ZNF239: variants seen among roughly 807,000 people sequenced by gnomAD.
ZNF239 encodes zinc finger protein 239, also known as zinc finger protein (C2H2) homologous to mouse MOK-2.
Under a neutral mutation model 27.5 loss-of-function variants are expected in ZNF239, and 16 were observed. The ratio of observed to expected loss-of-function variants is 0.58; its 90% CI spans 0.39 to 0.88. The LOEUF is 0.88. Among genes scored for constraint, ZNF239 ranks in the 40% least tolerant of loss-of-function variants. ZNF239 has a pLI of 0.00. For missense variants in ZNF239, 527 were observed against 551.9 expected (o/e 0.95, Z 0.45); for synonymous variants, 199 against 192.6 (o/e 1.03, Z -0.27).
intron 2 of ZNF239, among the ~76,000 whole-genome samples, chr10:43,569,655 T>A (rs1837909872): frequency 6.6e-6 from 1 of 152,214 alleles, no homozygotes; most frequent in Admixed American, 6.5e-5. Flanking sequence ...GAGCATCCTG[T>A]ATATATCATT....
intron 3 of ZNF239, among the ~76,000 whole-genome samples, chr10:43,563,635 G>A (rs999341955): frequency 2.0e-5 from 3 of 152,168 alleles, no homozygotes; most frequent in African/African-American, 7.2e-5. Flanking sequence ...TCCATTTTAT[G>A]TTAATAACAA....
Position 43,557,336 on chromosome 10 carries a change from C to T in ZNF239, c.744G>A (p.Ser248=), listed in dbSNP as rs747508244. Residue 248 remains serine, a synonymous_variant, in exon 4 of 4, where the codon TCG becomes TCA. Transcript: ENST00000374446. ...GGACTGCCTGATGGATAAGCAGACTCGAGCTCCTTGTGAAGCCCTTCCCAC... is the reference window on the plus strand; with the variant it reads ...GGACTGCCTGATGGATAAGCAGACTTGAGCTCCTTGTGAAGCCCTTCCCAC... ...EQCGKGFTRS[S]SLLIHQAVHT... 6.6e-5 allele frequency: 106 copies of T among 1,613,694 alleles called. No individual in the cohort carries two copies. The highest frequency in any genetic ancestry group is 8.9e-5 in the East Asian group (4 of 44,848).
chr10:43,573,344 A>G (rs775318219), intron 2 of ZNF239, among the ~76,000 whole-genome samples: 19 of 152,206 alleles, frequency 1.2e-4, no homozygotes, highest in Non-Finnish European at 2.6e-4. Context: ...ATGACTTTCA[A>G]TGTGAGTGAA....
chr10:43,557,753 C>G lies in ZNF239; in HGVS notation c.327G>C (p.Gly109=), dbSNP rs755728524. ...EESTERKVIK[G]ESCSENLQVK... ...CTTGAAGGTTCTCTGAACAACTTTC[C>G]CCCTTTATCACTTTTCTCTCAGTGC... The change falls in exon 4 of 4, where the codon GGG becomes GGC. Residue 109 remains glycine (G), a synonymous_variant. Transcript: ENST00000374446. 6.2e-7 allele frequency: 1 copy of G among 1,614,122 alleles called. No individual in the cohort carries two copies. The highest frequency in any genetic ancestry group is 8.5e-7 in the Non-Finnish European group (1 of 1,180,038).
chr10:43,567,978 T>A lies in ZNF239; in HGVS notation c.-172A>T. 8.1e-6 allele frequency: 8 copies of A among 985,960 alleles called. No individual in the cohort carries two copies. Among genetic ancestry groups the A allele is most frequent in the Non-Finnish European group, 9.6e-6 (8 of 830,070 alleles). 61.1% of individuals were successfully genotyped at this position (985,960 alleles called of 1,614,324 possible). A position where few individuals can be genotyped will look rare whatever the true frequency, so the allele number is the denominator to read the frequency against. On this transcript the variant is annotated 5_prime_UTR_variant, in exon 3 of 4. Transcript: ENST00000374446. Reference sequence around the variant, plus strand: ...AGCAGAGTCCAGGTGACCTCACTCCTCCTCGGTGAAGGCCACAGAGGCATC... The same window carrying A: ...AGCAGAGTCCAGGTGACCTCACTCCACCTCGGTGAAGGCCACAGAGGCATC...
intron 3 of ZNF239, among the ~76,000 whole-genome samples, chr10:43,562,330 C>A (rs1194056023): frequency 6.6e-6 from 1 of 152,222 alleles, no homozygotes; most frequent in African/African-American, 2.4e-5. Context: ...TGACAATTAT[C>A]AATCAATGTC....
In ZNF239 at chr10:43,556,882, C is replaced by T. The variant is rs762050042; in HGVS notation, c.1198G>A (p.Glu400Lys). Residue 400 changes from glutamate to lysine, a missense_variant, in exon 4 of 4, where the codon GAG (glutamate) becomes AAG (lysine). Transcript: ENST00000374446. ...CACTTGCCACAGTGATAGGGCTTCTCTCCAGTGTGGACTCTGAGATGGATG... is the reference window on the plus strand; with the variant it reads ...CACTTGCCACAGTGATAGGGCTTCTTTCCAGTGTGGACTCTGAGATGGATG... ...LRIHLRVHTG[E>K]KPYHCGKCGK... is the part of the protein sequence containing the mutation. 11 of 1,613,986 alleles carry T rather than the reference C, an allele frequency of 6.8e-6. No individual in the cohort carries two copies. The Admixed American group carries it at 1.8e-4, about 27-fold the overall frequency.
At chr10:43,561,801 C>T (rs540985756) in intron 3 of ZNF239, among the ~76,000 whole-genome samples, 16 of 152,044 alleles carry the variant, frequency 1.1e-4, no homozygotes, top group South Asian at 4.2e-4. Flanking sequence ...GTGTGCAACA[C>T]GGCAAAACTC....
chr10:43,570,931 A>G, intron 2 of ZNF239: 1 of 985,238 alleles, frequency 1.0e-6, no homozygotes, highest in Non-Finnish European at 1.2e-6. Context: ...AAAAAATGAC[A>G]GGAGTAGACC....
chr10:43,556,943 C>A lies in ZNF239; in HGVS notation c.1137G>T (p.Glu379Asp). Residue 379 changes from glutamate (E) to aspartate (D), a missense_variant, in exon 4 of 4, where the codon GAG becomes GAT. Physicochemically the swap from Glu to Asp is conservative, Grantham distance 45 (BLOSUM62 2). Coordinates refer to ENST00000374446, the MANE Select transcript of ZNF239 (RefSeq NM_001099282.2). ...HTGEKPYQCY[E>D]CGKGFSQSSD... ...AGCTCTGGCTGAAACCCTTCCCACA[C>A]TCATAGCATTGGTAAGGCTTCTCTC... 6.2e-7 allele frequency: 1 copy of A among 1,613,676 alleles called. No homozygotes were observed.
chr10:43,557,914 C>G lies in ZNF239; in HGVS notation c.166G>C (p.Glu56Gln), dbSNP rs61731399. The change falls in exon 4 of 4, where the codon GAA becomes CAA. Residue 56 changes from glutamate (E) to glutamine (Q), a missense_variant. Coordinates refer to ENST00000374446, the MANE Select transcript of ZNF239 (RefSeq NM_001099282.2). ...AAATATGTTTCACTTTCAATGTTTT[C>G]GAAACAACCACTTTGAAGAGTCATC... ...SVMTLQSGCFENIESETYLPL... is the reference protein window; with the variant it reads ...SVMTLQSGCFQNIESETYLPL... 6.2e-7 allele frequency: 1 copy of G among 1,614,138 alleles called. No homozygotes were observed. Among genetic ancestry groups the G allele is most frequent in the African/African-American group, 1.3e-5 (1 of 75,040 alleles).
At chr10:43,569,974 A>G (rs1837929996) in intron 2 of ZNF239, among the ~76,000 whole-genome samples, 4 of 152,180 alleles carry the variant, frequency 2.6e-5, no homozygotes, top group African/African-American at 9.7e-5. Flanking sequence ...GAAACTCTCA[A>G]TTTCAGTACT....
chr10:43,556,663 CA>C lies in ZNF239; in HGVS notation c.*39del. On this transcript the variant is annotated 3_prime_UTR_variant, in exon 4 of 4. Transcript: ENST00000374446. The stretch of plus-strand genomic sequence containing the variant: ...GATACTAAATATTTAACAGTTTTTA[CA>C]GTATGAGCGCTGTGAAGACCTGAAT... The C allele has an allele frequency of 6.3e-7, 1 of 1,574,874 alleles. No individual in the cohort carries two copies. Among genetic ancestry groups the C allele is most frequent in the Non-Finnish European group, 8.6e-7 (1 of 1,160,526 alleles).
intron 3 of ZNF239, among the ~76,000 whole-genome samples, chr10:43,564,821 G>T (rs1285001007): frequency 6.6e-6 from 1 of 151,720 alleles, no homozygotes; most frequent in East Asian, 1.9e-4. Flanking sequence ...GAGCCACCAC[G>T]CCTGGCCCAA....
intron 3 of ZNF239, among the ~76,000 whole-genome samples, chr10:43,567,353 G>C (rs1837737481): frequency 6.6e-6 from 1 of 151,964 alleles, no homozygotes; most frequent in South Asian, 2.1e-4. Context: ...CAATGTTGGG[G>C]AAATGTGGGG....
In ZNF239 at chr10:43,557,604, C is replaced by T; in HGVS notation, c.476G>A (p.Gly159Glu). The change falls in exon 4 of 4, where the codon GGA becomes GAA. Residue 159 changes from glycine to glutamate, a missense_variant. Physicochemically the swap from Gly to Glu is moderately conservative, Grantham distance 98. Coordinates refer to ENST00000374446, the MANE Select transcript of ZNF239 (RefSeq NM_001099282.2). Reference sequence around the variant, plus strand: ...ACAACTGACCACCTGTGATTTCCATCCATGAATGTCTTTGCAGTTACAGTC... The same window carrying T: ...ACAACTGACCACCTGTGATTTCCATTCATGAATGTCTTTGCAGTTACAGTC... ...PIDCNCKDIH[G>E]WKSQVVSCSQ... The T allele has an allele frequency of 6.2e-7, 1 of 1,614,186 alleles. No individual in the cohort carries two copies. The highest frequency in any genetic ancestry group is 8.5e-7 in the Non-Finnish European group (1 of 1,180,040).
At chr10:43,558,271 G>A in intron 3 of ZNF239, 100 bp from the exon 4 acceptor site, 2 of 1,129,646 alleles carry the variant, frequency 1.8e-6, no homozygotes, top group South Asian at 1.9e-5. Context: ...CTAGGAAAAA[G>A]TTCAGCTTGT....
chr10:43,572,630 C>T (rs969120733), intron 2 of ZNF239, among the ~76,000 whole-genome samples: 8 of 152,196 alleles, frequency 5.3e-5, no homozygotes, highest in African/African-American at 1.9e-4. Flanking sequence ...CTTCGGCTCT[C>T]TCAGAGTTAG....
chr10:43,566,442 T>C (rs1837658095), intron 3 of ZNF239, among the ~76,000 whole-genome samples: 1 of 152,132 alleles, frequency 6.6e-6, no homozygotes, highest in Admixed American at 6.5e-5. Context: ...ACTGCCGCCA[T>C]GTCCTGCTAA....
Sources: gnomAD v4.1 joint callset for allele counts (sites outside exome capture counted in the v4.1 genomes callset) on GRCh38, gnomAD v4.1.1 for gene constraint, MANE v1.5 for transcripts, NCBI Gene and HGNC (gene_info 2026-07-23, HGNC 2026-07-21) for gene names.